Variants in KIAA1614 observed in about 807,000 individuals in gnomAD.
KIAA1614 encodes uncharacterized protein KIAA1614.
KIAA1614 carries 76 observed loss-of-function variants against 88.7 expected under a neutral mutation model. That is an observed-to-expected ratio of 0.86 (90% CI 0.71 to 1.04). KIAA1614 has a LOEUF of 1.04. Ranked by LOEUF, KIAA1614 falls within the 50% of genes least tolerant of loss-of-function variation. The pLI is 0.00. For missense variants in KIAA1614, 1,553 were observed against 1,582.5 expected, an observed-to-expected ratio of 0.98 and a Z score of 0.32; for synonymous variants, 714 against 675.5, an observed-to-expected ratio of 1.06 and a Z score of -0.88.
intron 3 of KIAA1614, among the ~76,000 whole-genome samples, chr1:180,920,590 A>G (rs2102257916): frequency 6.6e-6 from 1 of 152,276 alleles, no homozygotes; most frequent in East Asian, 1.9e-4. Flanking sequence ...AACCATTACA[A>G]CCAAGTTAAC....
Position 180,949,106 on chromosome 1 carries a change from C to T in KIAA1614, c.*3518C>T, listed in dbSNP as rs1016960127. The T allele has an allele frequency of 6.6e-6, 1 of 152,292 alleles. No homozygotes were observed. Among genetic ancestry groups the T allele is most frequent in the African/African-American group, 2.4e-5 (1 of 41,460 alleles). The allele number at this position is 152,292 out of a possible 1,614,324, so 9.4% of individuals were successfully genotyped here. ...GGAGCAGACCTGATGCCCTTTCGGGCCCCTGCTAAGAACCTGATTCGAGGA... is the reference window on the plus strand; with the variant it reads ...GGAGCAGACCTGATGCCCTTTCGGGTCCCTGCTAAGAACCTGATTCGAGGA... On this transcript the variant is annotated 3_prime_UTR_variant, in exon 9 of 9. Transcript: ENST00000367588.
Position 180,936,686 on chromosome 1 carries a change from T to A in KIAA1614, c.2761+16T>A. On this transcript the variant is annotated intron_variant, in intron 5 of 8. Coordinates refer to ENST00000367588, the MANE Select transcript of KIAA1614 (RefSeq NM_020950.2). Reference sequence around the variant, plus strand: ...AGCAGAGATGGTAAGGGGCTGCCGCTGGTTCCTGCCCAGCCCAGGCCTGGT... The same window carrying A: ...AGCAGAGATGGTAAGGGGCTGCCGCAGGTTCCTGCCCAGCCCAGGCCTGGT... 1 of 1,459,958 alleles carries A rather than the reference T, an allele frequency of 6.8e-7. No homozygotes were observed. The highest frequency in any genetic ancestry group is 1.4e-5 in the South Asian group (1 of 72,348). The allele number at this position is 1,459,958 out of a possible 1,614,324, so 90.4% of individuals were successfully genotyped here.
At position 180,916,870 on chromosome 1, in the gene KIAA1614, G is replaced by C. The variant is rs747723394; in HGVS notation, c.767G>C (p.Ser256Thr). 1 of 1,614,246 alleles carries C rather than the reference G, an allele frequency of 6.2e-7. No individual in the cohort carries two copies. Among genetic ancestry groups the C allele is most frequent in the Non-Finnish European group, 8.5e-7 (1 of 1,180,052 alleles). The change falls in exon 2 of 9, where the codon AGC becomes ACC. Residue 256 changes from serine (S) to threonine (T), a missense_variant. Physicochemically the swap from Ser to Thr is moderately conservative, Grantham distance 58. Transcript: ENST00000367588. ...DGVVTEADLD[S>T]TSLTSEEVFV... ...GTGGTGACAGAGGCAGATCTGGATA[G>C]CACATCCCTGACCTCCGAGGAGGTC...
chr1:180,935,319 GC>G lies in KIAA1614; in HGVS notation c.1411del (p.Arg471AlafsTer6). 1 of 1,479,280 alleles carries G rather than the reference GC, an allele frequency of 6.8e-7. No individual in the cohort carries two copies. Among genetic ancestry groups the G allele is most frequent in the Non-Finnish European group, 8.9e-7 (1 of 1,117,942 alleles). 91.6% of individuals were successfully genotyped at this position (1,479,280 alleles called of 1,614,324 possible). Reference sequence around the variant, plus strand: ...TCCGTCACCTGGAGCGGCTGCAGCAGCGCCAGCGCCAGGTGCTGAGCACCGT... The same window carrying G: ...TCCGTCACCTGGAGCGGCTGCAGCAGGCCAGCGCCAGGTGCTGAGCACCGT... ...EFRHLERLQQ[R>X]QRQVLSTVLQ... On this transcript the variant is annotated frameshift_variant, in exon 5 of 9. Coordinates refer to ENST00000367588, the MANE Select transcript of KIAA1614 (RefSeq NM_020950.2). LOFTEE classifies it high-confidence loss of function. This position sits in a 1 kb window ranked among gnomAD's most constrained non-coding sequence, Gnocchi z 6.1.
In KIAA1614 at chr1:180,941,210, T is replaced by C. The variant is rs1419045985; in HGVS notation, c.3084T>C (p.Ser1028=). 1.2e-6 allele frequency: 2 copies of C among 1,613,666 alleles called. No homozygotes were observed. Among genetic ancestry groups the C allele is most frequent in the Admixed American group, 3.3e-5 (2 of 59,992 alleles). The change falls in exon 7 of 9, where the codon AGT becomes AGC. Residue 1028 remains serine (S), a synonymous_variant. Coordinates refer to ENST00000367588, the MANE Select transcript of KIAA1614 (RefSeq NM_020950.2). ...RPKLGKSRSY[S]VEQLQPAPPG... The stretch of plus-strand genomic sequence containing the variant: ...AGCTGGGCAAGTCCCGCAGCTACAG[T>C]GTGGAGCAGTTGCAGCCCGCCCCGC...
At chr1:180,918,849 G>C (rs1432389073) in intron 3 of KIAA1614, among the ~76,000 whole-genome samples, 1 of 152,200 alleles carries the variant, frequency 6.6e-6, no homozygotes, top group Non-Finnish European at 1.5e-5. Flanking sequence ...ATAGAGGCTG[G>C]GTGGCTTACT....
chr1:180,941,368 G>C (rs1654459938), intron 7 of KIAA1614, 83 bp downstream of exon 7: 3 of 1,494,836 alleles, frequency 2.0e-6, no homozygotes, highest in East Asian at 2.3e-5. Flanking sequence ...GGAGGGAGGA[G>C]GTGATGAGGA....
At position 180,935,505 on chromosome 1, in the gene KIAA1614, C is replaced by T. The variant is rs750295531; in HGVS notation, c.1596C>T (p.Ser532=). 3.3e-6 allele frequency: 5 copies of T among 1,518,662 alleles called. No homozygotes were observed. In the South Asian group the frequency reaches 3.8e-5, roughly 12 times the overall value. The allele number at this position is 1,518,662 out of a possible 1,614,324, so 94.1% of individuals were successfully genotyped here. ...ACCCGGCACCGCCGGCACCGGGCAG[C>T]GAGAGGAGGTGCCAGGCCTGCGGCA... ...RGHPAPPAPG[S]ERRCQACGSC... is the part of the protein sequence containing the mutation. The change falls in exon 5 of 9, where the codon AGC becomes AGT. Residue 532 remains serine, a synonymous_variant. Coordinates refer to ENST00000367588, the MANE Select transcript of KIAA1614 (RefSeq NM_020950.2). The surrounding 1 kb of genome is among the most constrained non-coding windows in gnomAD (Gnocchi z 6.1).
At chr1:180,919,196 C>T (rs781219917) in intron 3 of KIAA1614, among the ~76,000 whole-genome samples, 6 of 152,146 alleles carry the variant, frequency 3.9e-5, no homozygotes, top group African/African-American at 4.8e-5. Flanking sequence ...CTTAACCAAG[C>T]GAGGGCAGCC....
At chr1:180,920,604 G>A (rs1391380768) in intron 3 of KIAA1614, among the ~76,000 whole-genome samples, 1 of 152,182 alleles carries the variant, frequency 6.6e-6, no homozygotes, top group East Asian at 1.9e-4. Flanking sequence ...AGTTAACCTA[G>A]CATGCATCTG....
At position 180,917,066 on chromosome 1, in the gene KIAA1614, T is replaced by A. The variant is rs1251292865; in HGVS notation, c.963T>A (p.Pro321=). The A allele has an allele frequency of 6.2e-7, 1 of 1,613,550 alleles. No individual in the cohort carries two copies. The highest frequency in any genetic ancestry group is 8.5e-7 in the Non-Finnish European group (1 of 1,180,002). The change falls in exon 2 of 9, where the codon CCT becomes CCA. Residue 321 remains proline, a synonymous_variant. Coordinates refer to ENST00000367588, the MANE Select transcript of KIAA1614 (RefSeq NM_020950.2). The part of the protein sequence containing the change: ...SGQSPRKVGT[P]AWTPSWDTAA... ...AGAGCCCCCGCAAGGTGGGAACCCC[T>A]GCCTGGACTCCATCCTGGGACACAG...
rs1653696301 is a variant in KIAA1614 at position 180,913,164 on chromosome 1, G to C, written c.-80G>C. 8.9e-7 allele frequency: 1 copy of C among 1,124,922 alleles called. No homozygotes were observed. Among genetic ancestry groups the C allele is most frequent in the Non-Finnish European group, 1.1e-6 (1 of 881,086 alleles). 69.7% of individuals were successfully genotyped at this position (1,124,922 alleles called of 1,614,324 possible). ...CCGCACTCCCTCCGGCCCCGGATTCGGGGCTGGAAGTCCCTCCCCGAACCC... is the reference window on the plus strand; with the variant it reads ...CCGCACTCCCTCCGGCCCCGGATTCCGGGCTGGAAGTCCCTCCCCGAACCC... On this transcript the variant is annotated 5_prime_UTR_variant, in exon 1 of 9. Coordinates refer to ENST00000367588, the MANE Select transcript of KIAA1614 (RefSeq NM_020950.2).
Position 180,950,645 on chromosome 1 carries a change from C to A in KIAA1614, c.*5057C>A. 4.3e-6 allele frequency: 2 copies of A among 462,456 alleles called. No individual in the cohort carries two copies. The highest frequency in any genetic ancestry group is 5.7e-6 in the Non-Finnish European group (2 of 348,738). The allele number at this position is 462,456 out of a possible 1,614,324, so 28.6% of individuals were successfully genotyped here. ...GCTCTGTGGCGGAAACAGATCCTGG[C>A]AGCATCTAACCCCTTGGGCTGTGGC... On this transcript the variant is annotated 3_prime_UTR_variant, in exon 9 of 9. Coordinates refer to ENST00000367588, the MANE Select transcript of KIAA1614 (RefSeq NM_020950.2).
chr1:180,939,983 C>T (rs1183593049), intron 6 of KIAA1614, among the ~76,000 whole-genome samples: 1 of 152,238 alleles, frequency 6.6e-6, no homozygotes, highest in Non-Finnish European at 1.5e-5. Flanking sequence ...AGCCCTGGCT[C>T]CTTCTTCAAC....
At position 180,913,195 on chromosome 1, in the gene KIAA1614, C is replaced by T; in HGVS notation, c.-49C>T. 8.2e-7 allele frequency: 1 copy of T among 1,226,248 alleles called. No individual in the cohort carries two copies. Among genetic ancestry groups the T allele is most frequent in the Admixed American group, 4.2e-5 (1 of 23,676 alleles). The allele number at this position is 1,226,248 out of a possible 1,614,324, so 76.0% of individuals were successfully genotyped here. Reference sequence around the variant, plus strand: ...GGAAGTCCCTCCCCGAACCCAGCAGCTGGCCTGGGAGGGAGAAGGGGCTGG... The same window carrying T: ...GGAAGTCCCTCCCCGAACCCAGCAGTTGGCCTGGGAGGGAGAAGGGGCTGG... On this transcript the variant is annotated 5_prime_UTR_variant, in exon 1 of 9. Transcript: ENST00000367588.
chr1:180,935,607 CTG>C lies in KIAA1614; in HGVS notation c.1701_1702del (p.Cys567TrpfsTer52), dbSNP rs1654311063. Reference protein sequence around the residue: ...PRTLQELQAACGMERVLGGLS... With the variant: ...PRTLQELQAAXGMERVLGGLS... ...GGACCCTCCAGGAGCTCCAGGCTGC[CTG>C]TGGGATGGAGAGGGTGCTGGGTGGC... On this transcript the variant is annotated frameshift_variant, in exon 5 of 9. Transcript: ENST00000367588. LOFTEE classifies it high-confidence loss of function. The surrounding 1 kb of genome is among the most constrained non-coding windows in gnomAD (Gnocchi z 6.1). The C allele has an allele frequency of 1.2e-6, 2 of 1,611,086 alleles. No homozygotes were observed. The highest frequency in any genetic ancestry group is 4.5e-5 in the East Asian group (2 of 44,832).
intron 7 of KIAA1614, among the ~76,000 whole-genome samples, chr1:180,943,023 T>G (rs1654501978): frequency 1.0e-5 from 1 of 98,940 alleles, no homozygotes; most frequent in South Asian, 3.9e-4. Flanking sequence ...GGCTTAGTTT[T>G]TTGGGTTTTT....
chr1:180,929,861 G>A (rs1044878130), intron 4 of KIAA1614, among the ~76,000 whole-genome samples: 1 of 152,226 alleles, frequency 6.6e-6, no homozygotes, highest in Non-Finnish European at 1.5e-5. Flanking sequence ...CGTGGCAGTG[G>A]AGGGAGCAGG....
chr1:180,941,229 G>C lies in KIAA1614; in HGVS notation c.3103G>C (p.Ala1035Pro). Residue 1035 changes from alanine (A) to proline (P), a missense_variant, in exon 7 of 9, where the codon GCC (alanine) becomes CCC (proline). By Grantham distance (27) the Ala-to-Pro change is conservative (BLOSUM62 -1). Coordinates refer to ENST00000367588, the MANE Select transcript of KIAA1614 (RefSeq NM_020950.2). Reference protein sequence around the residue: ...RSYSVEQLQPAPPGLTSQSRA... With the variant: ...RSYSVEQLQPPPPGLTSQSRA... ...CTACAGTGTGGAGCAGTTGCAGCCC[G>C]CCCCGCCTGGCCTGACGTCACAGTC... is the stretch of plus-strand genomic sequence containing the variant. 1 of 1,613,608 alleles carries C rather than the reference G, an allele frequency of 6.2e-7. No homozygotes were observed. Among genetic ancestry groups the C allele is most frequent in the South Asian group, 1.1e-5 (1 of 91,076 alleles).
Sources: allele counts gnomAD v4.1 joint callset (sites outside exome capture counted in the v4.1 genomes callset), GRCh38; gene constraint gnomAD v4.1.1; non-coding constraint Gnocchi (gnomAD v3.1); transcripts MANE v1.5; gene names NCBI Gene and HGNC (gene_info 2026-07-23, HGNC 2026-07-21).